TCF3: variants seen among roughly 807,000 people sequenced by gnomAD.
TCF3 encodes the protein transcription factor 3, also known as transcription factor E2-alpha.
TCF3 carries 54 observed loss-of-function variants against 72.3 expected under a neutral mutation model. The observed-to-expected ratio is 0.75, with a 90% confidence interval of 0.60 to 0.94. The LOEUF is 0.94. Among genes scored for constraint, TCF3 ranks in the 40% least tolerant of loss-of-function variants. The pLI is 0.00. For missense variants in TCF3, 1,078 were observed against 934.4 expected, an observed-to-expected ratio of 1.15 and a Z score of -2.00; for synonymous variants, 525 against 412.6, an observed-to-expected ratio of 1.27 and a Z score of -3.30.
chr19:1,639,079 T>C (rs1008378591), intron 3 of TCF3, among the ~76,000 whole-genome samples: 1 of 152,220 alleles, frequency 6.6e-6, no homozygotes, highest in Non-Finnish European at 1.5e-5. Flanking sequence ...AGTCTCGCTG[T>C]GTCGCCCAGG....
At position 1,614,624 on chromosome 19, in the gene TCF3, G is replaced by A. The variant is rs950264923; in HGVS notation, c.1822+661C>T. On this transcript the variant is annotated intron_variant, in intron 18 of 18. Coordinates refer to ENST00000262965, the MANE Select transcript of TCF3 (RefSeq NM_003200.5). The surrounding 1 kb of genome is among the most constrained non-coding windows in gnomAD (Gnocchi z 5.6). ...CGGTCCCAGCAACAGTGCTGCAGGA[G>A]AGAAAGGGTTAACGGGGTGCAGGCG... Among the ~76,000 whole-genome samples the A allele has an allele frequency of 3.3e-5, 5 of 152,194 alleles. No individual in the cohort carries two copies. Among genetic ancestry groups the A allele is most frequent in the East Asian group, 1.9e-4 (1 of 5,190 alleles).
At chr19:1,624,633 C>T (rs958205034) in intron 7 of TCF3, among the ~76,000 whole-genome samples, 85 of 152,308 alleles carry the variant, frequency 5.6e-4, no homozygotes, top group African/African-American at 1.9e-3. Context: ...TGTTTGCAAA[C>T]TCGCCTACAG....
chr19:1,615,505 C>G lies in TCF3; in HGVS notation c.1602G>C (p.Glu534Asp). 6.2e-7 allele frequency: 1 copy of G among 1,608,732 alleles called. No individual in the cohort carries two copies. ...TCTGCTCTGGGGGGAGAAGGTCGTC[C>G]TCGTCCTCGTCTGGGCTATGGGGAG... ...PRARTSPDED[E>D]DDLLPPEQKA... is the part of the protein sequence containing the mutation. The change falls in exon 18 of 19, where the codon GAG (glutamate) becomes GAC (aspartate). Residue 534 changes from glutamate (E) to aspartate (D), a missense_variant. Glu to Asp is a conservative substitution (Grantham distance 45). Coordinates refer to ENST00000262965, the MANE Select transcript of TCF3 (RefSeq NM_003200.5). The surrounding 1 kb of genome is among the most constrained non-coding windows in gnomAD (Gnocchi z 7.3).
intron 3 of TCF3, among the ~76,000 whole-genome samples, chr19:1,634,643 C>G (rs2064158730): frequency 6.6e-6 from 1 of 152,196 alleles, no homozygotes; most frequent in Non-Finnish European, 1.5e-5. Context: ...TGGGTCCCCT[C>G]CTGAGAGGGA....
At chr19:1,642,243 C>T (rs1430376337) in intron 3 of TCF3, among the ~76,000 whole-genome samples, 9 of 146,202 alleles carry the variant, frequency 6.2e-5, no homozygotes, top group Admixed American at 1.4e-4. Context: ...CACGCGCAGA[C>T]GCACACACAC....
Position 1,652,359 on chromosome 19 carries a change from G to GCCCCC in TCF3, c.-104_-100dup. 7.2e-6 allele frequency: 1 copy of GCCCCC among 138,608 alleles called. No homozygotes were observed. Among genetic ancestry groups the GCCCCC allele is most frequent in the Admixed American group, 7.0e-5 (1 of 14,288 alleles). The allele number at this position is 138,608 out of a possible 1,614,324, so 8.6% of individuals were successfully genotyped here. ...GGGGGCGGCGGCATGAAGCGGGGGG[G>GCCCCC]CCCCCCCCCGGACAAAGGTGCGTCG... On this transcript the variant is annotated 5_prime_UTR_variant, in exon 1 of 19. Transcript: ENST00000262965.
intron 18 of TCF3, among the ~76,000 whole-genome samples, chr19:1,612,718 T>TGCGG (rs1568316504): frequency 5.4e-4 from 75 of 137,830 alleles, no homozygotes; most frequent in African/African-American, 2.0e-3. Flanking sequence ...ACACGGCTGG[T>TGCGG]GTGGGTGTGG....
At chr19:1,625,369 T>C (rs901601315) in intron 7 of TCF3, among the ~76,000 whole-genome samples, 1 of 152,176 alleles carries the variant, frequency 6.6e-6, no homozygotes, top group African/African-American at 2.4e-5. Context: ...TAGGAACCTC[T>C]CCCTGGACGT....
At chr19:1,645,491 C>A (rs1419850760) in intron 3 of TCF3, among the ~76,000 whole-genome samples, 2 of 151,102 alleles carry the variant, frequency 1.3e-5, no homozygotes, top group Non-Finnish European at 2.9e-5. Flanking sequence ...GCCCCGCCGG[C>A]CGGTCCCACC....
At chr19:1,630,191 G>A (rs1365784382) in intron 5 of TCF3, among the ~76,000 whole-genome samples, 1 of 152,178 alleles carries the variant, frequency 6.6e-6, no homozygotes, top group African/African-American at 2.4e-5. Context: ...ATGAGGAAGA[G>A]GCTGGGAGGA....
At chr19:1,636,011 C>T (rs567108711) in intron 3 of TCF3, among the ~76,000 whole-genome samples, 1 of 152,360 alleles carries the variant, frequency 6.6e-6, no homozygotes, top group East Asian at 1.9e-4. Context: ...CGATGGCAGC[C>T]TGTCCCACCG....
chr19:1,623,382 C>CT (rs371876498), intron 8 of TCF3, among the ~76,000 whole-genome samples: 5,804 of 129,868 alleles, frequency 0.045, 433 homozygotes, highest in East Asian at 0.35. Flanking sequence ...GCACCCCCCG[C>CT]TTTTTTTTTT....
chr19:1,622,097 C>T lies in TCF3; in HGVS notation c.779G>A (p.Gly260Glu). ...PPGSGPVGSS[G>E]SSSTFGGLHQ... ...CAGGCCACCAAACGTGCTGCTGCTT[C>T]CACTGCTGCCCACCGGGCCGCTACC... The change falls in exon 10 of 19, where the codon GGA (glycine) becomes GAA (glutamate). Residue 260 changes from glycine (G) to glutamate (E), a missense_variant. Coordinates refer to ENST00000262965, the MANE Select transcript of TCF3 (RefSeq NM_003200.5). The T allele has an allele frequency of 6.2e-7, 1 of 1,605,470 alleles. No homozygotes were observed. The highest frequency in any genetic ancestry group is 1.1e-5 in the South Asian group (1 of 89,892).
rs757091605 is a variant in TCF3, at chr19:1,610,187, G to A, written c.*1520C>T. The A allele has an allele frequency of 7.7e-5, 18 of 232,274 alleles. No individual in the cohort carries two copies. The highest frequency in any genetic ancestry group is 1.4e-4 in the Non-Finnish European group (17 of 117,550). 14.4% of individuals were successfully genotyped at this position (232,274 alleles called of 1,614,324 possible). A position where few individuals can be genotyped will look rare whatever the true frequency, so the allele number is the denominator to read the frequency against. On this transcript the variant is annotated 3_prime_UTR_variant, in exon 19 of 19. Transcript: ENST00000262965. ...TGGGACATGGGACACAGATGGGCCC[G>A]AGGGGACACCCTGCTGGTTCTGCAG...
At chr19:1,646,499 C>T in intron 2 of TCF3, 72 bp from the exon 3 acceptor site, 1 of 1,419,748 alleles carries the variant, frequency 7.0e-7, no homozygotes, top group Non-Finnish European at 9.7e-7. Flanking sequence ...GGTTCAAACC[C>T]AAGCTGGGAG....
intron 3 of TCF3, among the ~76,000 whole-genome samples, chr19:1,639,326 G>A (rs2064904137): frequency 6.6e-6 from 1 of 152,152 alleles, no homozygotes; most frequent in Non-Finnish European, 1.5e-5. Flanking sequence ...TTACAGGCAT[G>A]AGCCACCACC....
chr19:1,613,941 C>T lies in TCF3; in HGVS notation c.1822+1344G>A, dbSNP rs112159542. Reference sequence around the variant, plus strand: ...CCCAAGGCTGAGCCCCCTCTCCAGCCGAGCAGCATGCAGCTGGCGAGCGGG... The same window carrying T: ...CCCAAGGCTGAGCCCCCTCTCCAGCTGAGCAGCATGCAGCTGGCGAGCGGG... On this transcript the variant is annotated intron_variant, in intron 18 of 18. Coordinates refer to ENST00000262965, the MANE Select transcript of TCF3 (RefSeq NM_003200.5). Among the ~76,000 whole-genome samples the T allele has an allele frequency of 6.4e-3, 969 of 152,368 alleles. 13 individuals are homozygous for T. Among genetic ancestry groups the T allele is most frequent in the African/African-American group, 0.022 (902 of 41,588 alleles).
Position 1,619,204 on chromosome 19 carries a change from C to A in TCF3, c.1357G>T (p.Ala453Ser), listed in dbSNP as rs201830800. 7.5e-6 allele frequency: 12 copies of A among 1,598,756 alleles called. No homozygotes were observed. The highest frequency in any genetic ancestry group is 5.9e-6 in the Non-Finnish European group (7 of 1,178,970). ...VGGSHPEDGLAGSTSLMHNHA... is the reference protein window; with the variant it reads ...VGGSHPEDGLSGSTSLMHNHA... ...TTGTGCATGAGGCTGGTGCTGCCTG[C>A]GAGGCCGTCCTCGGGGTGGCTGCCT... Residue 453 changes from alanine to serine, a missense_variant, in exon 16 of 19, where the codon GCA becomes TCA. Coordinates refer to ENST00000262965, the MANE Select transcript of TCF3 (RefSeq NM_003200.5).
Position 1,610,222 on chromosome 19 carries a change from A to C in TCF3, c.*1485T>G, listed in dbSNP as rs2060887768. On this transcript the variant is annotated 3_prime_UTR_variant, in exon 19 of 19. Coordinates refer to ENST00000262965, the MANE Select transcript of TCF3 (RefSeq NM_003200.5). ...CCTGCTGGTTCTGCAGCAGGGTCGG[A>C]CGCACAGCCCAAGGCCTTCGTGGGG... 1 of 231,998 alleles carries C rather than the reference A, an allele frequency of 4.3e-6. No homozygotes were observed. Among genetic ancestry groups the C allele is most frequent in the African/African-American group, 2.2e-5 (1 of 45,228 alleles). The allele number at this position is 231,998 out of a possible 1,614,324, so 14.4% of individuals were successfully genotyped here.
Sources: allele counts gnomAD v4.1 joint callset (sites outside exome capture counted in the v4.1 genomes callset), GRCh38; gene constraint gnomAD v4.1.1; non-coding constraint Gnocchi (gnomAD v3.1); transcripts MANE v1.5; gene names NCBI Gene and HGNC (gene_info 2026-07-23, HGNC 2026-07-21).